The following BAIAP2L1 variants were observed in gnomAD, a reference collection of about 807,000 sequenced individuals.
BAIAP2L1 encodes BAR/IMD domain-containing adapter protein 2-like 1.
Under a neutral mutation model 66.3 loss-of-function variants are expected in BAIAP2L1, and 35 were observed. The ratio of observed to expected loss-of-function variants is 0.53; its 90% CI spans 0.40 to 0.70. The LOEUF (loss-of-function observed/expected upper bound fraction) is 0.70, where lower values mean the gene tolerates loss of function less well. Ranked by LOEUF, BAIAP2L1 falls within the 30% of genes least tolerant of loss-of-function variation. BAIAP2L1 has a pLI of 0.00. For synonymous variants in BAIAP2L1, 269 were observed against 248.7 expected, an observed-to-expected ratio of 1.08 and a Z score of -0.77; for missense variants, 622 against 656.9, an observed-to-expected ratio of 0.95 and a Z score of 0.58.
At position 98,306,433 on chromosome 7, in the gene BAIAP2L1, G is replaced by A. The variant is rs1800659358; in HGVS notation, c.1241+6C>T. 1.9e-6 allele frequency: 3 copies of A among 1,614,132 alleles called. No individual in the cohort carries two copies. Among genetic ancestry groups the A allele is most frequent in the Middle Eastern group, 1.6e-4 (1 of 6,062 alleles). On this transcript the variant is annotated splice_donor_region_variant and intron_variant, in intron 11 of 13. Coordinates refer to ENST00000005260, the MANE Select transcript of BAIAP2L1 (RefSeq NM_018842.5). ...ACCGGGAGAGCTCAGCCACGTTCAG[G>A]GCTACCTTGGCGTGGGCACGGTCAC... is the stretch of plus-strand genomic sequence containing the variant.
intron 10 of BAIAP2L1, 43 bp downstream of exon 10, chr7:98,307,646 G>C: frequency 6.2e-7 from 1 of 1,607,026 alleles, no homozygotes; most frequent in Non-Finnish European, 8.5e-7. Flanking sequence ...TGGAAGGGAG[G>C]GGCCGTCTGG....
chr7:98,312,203 T>C lies in BAIAP2L1; in HGVS notation c.701A>G (p.Lys234Arg), dbSNP rs750823235. 1.9e-6 allele frequency: 3 copies of C among 1,614,170 alleles called. No individual in the cohort carries two copies. The highest frequency in any genetic ancestry group is 2.5e-6 in the Non-Finnish European group (3 of 1,180,020). ...CATATTCATGATTTTCTCTGGCACT[T>C]TGATGGCATCAACACAGGTCTCCTG... is the stretch of plus-strand genomic sequence containing the variant. ...RWQETCVDAI[K>R]VPEKIMNMIE... is the part of the protein sequence containing the mutation. The change falls in exon 8 of 14, where the codon AAA becomes AGA. Residue 234 changes from lysine (K) to arginine (R), a missense_variant. By Grantham distance (26) the Lys-to-Arg change is conservative. Coordinates refer to ENST00000005260, the MANE Select transcript of BAIAP2L1 (RefSeq NM_018842.5).
chr7:98,371,927 T>C (rs1802518951), intron 1 of BAIAP2L1, among the ~76,000 whole-genome samples: 1 of 151,890 alleles, frequency 6.6e-6, no homozygotes, highest in South Asian at 2.1e-4. Flanking sequence ...CCCGAGTAGC[T>C]GAGACTACAG....
At chr7:98,373,591 T>C (rs960812238) in intron 1 of BAIAP2L1, among the ~76,000 whole-genome samples, 5 of 152,128 alleles carry the variant, frequency 3.3e-5, no homozygotes, top group Admixed American at 6.6e-5. Flanking sequence ...TCTTCCTGTC[T>C]ACAATGGGAA....
At chr7:98,390,789 T>C (rs1803019780) in intron 1 of BAIAP2L1, among the ~76,000 whole-genome samples, 2 of 152,112 alleles carry the variant, frequency 1.3e-5, no homozygotes, top group South Asian at 2.1e-4. Flanking sequence ...TAGTGCTTAA[T>C]TGATATTGTT....
chr7:98,390,700 A>G (rs1297364076), intron 1 of BAIAP2L1, among the ~76,000 whole-genome samples: 1 of 151,666 alleles, frequency 6.6e-6, no homozygotes, highest in South Asian at 2.1e-4. Flanking sequence ...CCACTGCACT[A>G]CAGCCTGGGT....
chr7:98,315,822 T>TTATCAA (rs1801059686), intron 6 of BAIAP2L1, among the ~76,000 whole-genome samples: 1 of 152,216 alleles, frequency 6.6e-6, no homozygotes, highest in African/African-American at 2.4e-5. Flanking sequence ...AGAGAGAAGT[T>TTATCAA]GCCCAAGGGC....
chr7:98,320,255 G>A lies in BAIAP2L1; in HGVS notation c.258C>T (p.Asn86=), dbSNP rs530590476. The A allele has an allele frequency of 7.5e-6, 12 of 1,609,618 alleles. No homozygotes were observed. The highest frequency in any genetic ancestry group is 6.7e-5 in the African/African-American group (5 of 74,896). Residue 86 remains asparagine (N), a synonymous_variant, in exon 4 of 14, where the codon AAC becomes AAT. Coordinates refer to ENST00000005260, the MANE Select transcript of BAIAP2L1 (RefSeq NM_018842.5). Reference sequence around the variant, plus strand: ...CACGTACATTTTCATCAAGACTCTCGTTGAGTTTCTTGTGGGTACTTGAAA... The same window carrying A: ...CACGTACATTTTCATCAAGACTCTCATTGAGTTTCTTGTGGGTACTTGAAA... ...IEISSTHKKL[N]ESLDENFKKF...
chr7:98,393,134 C>CATATAT (rs1562796014), intron 1 of BAIAP2L1, among the ~76,000 whole-genome samples: 1 of 71,462 alleles, frequency 1.4e-5, no homozygotes, highest in Non-Finnish European at 3.1e-5. Flanking sequence ...TATATATACA[C>CATATAT]ACATATGTGT....
intron 1 of BAIAP2L1, among the ~76,000 whole-genome samples, chr7:98,372,409 A>G (rs1393300990): frequency 6.6e-6 from 1 of 151,462 alleles, no homozygotes; most frequent in Non-Finnish European, 1.5e-5. Flanking sequence ...CAGTCTCAAA[A>G]AAACAAAACA....
At chr7:98,306,334 G>A in intron 11 of BAIAP2L1, 105 bp downstream of exon 11, 1 of 1,364,608 alleles carries the variant, frequency 7.3e-7, no homozygotes, top group South Asian at 1.2e-5. Context: ...CACGAGAGCT[G>A]AGGCTTAGGG....
At position 98,376,655 on chromosome 7, in the gene BAIAP2L1, T is replaced by C. The variant is rs555109874; in HGVS notation, c.52-14223A>G. On this transcript the variant is annotated intron_variant, in intron 1 of 13. Coordinates refer to ENST00000005260, the MANE Select transcript of BAIAP2L1 (RefSeq NM_018842.5). ...GACCAACATGGAGAAACCCCATCTTTACAAAAAAAAAAAAAAAAAACACAC... is the reference window on the plus strand; with the variant it reads ...GACCAACATGGAGAAACCCCATCTTCACAAAAAAAAAAAAAAAAAACACAC... Among the ~76,000 whole-genome samples, 123 of 47,814 alleles carry C rather than the reference T, an allele frequency of 2.6e-3. 2 individuals are homozygous for C. The highest frequency in any genetic ancestry group is 7.1e-3 in the African/African-American group (119 of 16,824). 31.4% of individuals were successfully genotyped at this position (47,814 alleles called of 152,430 possible).
chr7:98,313,008 T>C (rs1165281622), intron 7 of BAIAP2L1, among the ~76,000 whole-genome samples: 1 of 152,096 alleles, frequency 6.6e-6, no homozygotes, highest in African/African-American at 2.4e-5. Flanking sequence ...TGCGGCTGTG[T>C]GCATGGCAGT....
At chr7:98,352,366 G>A (rs1802018381) in intron 3 of BAIAP2L1, among the ~76,000 whole-genome samples, 1 of 152,196 alleles carries the variant, frequency 6.6e-6, no homozygotes, top group Non-Finnish European at 1.5e-5. Flanking sequence ...AAGTGGCTGG[G>A]CACGGTGGCA....
intron 3 of BAIAP2L1, among the ~76,000 whole-genome samples, chr7:98,327,312 G>T (rs894763497): frequency 6.6e-6 from 1 of 151,692 alleles, no homozygotes; most frequent in Non-Finnish European, 1.5e-5. Flanking sequence ...AGTAAGCTGA[G>T]ATCATGCCAC....
chr7:98,390,192 GGCATGA>G (rs1803000465), intron 1 of BAIAP2L1, among the ~76,000 whole-genome samples: 1 of 151,506 alleles, frequency 6.6e-6, no homozygotes, highest in Admixed American at 6.6e-5. Flanking sequence ...TGGGATTACA[GGCATGA>G]GCCACTGCGC....
rs566046751 is a variant in BAIAP2L1, at chr7:98,300,334, C to T, written c.1422+3862G>A. Among the ~76,000 whole-genome samples, 10 of 152,290 alleles carry T rather than the reference C, an allele frequency of 6.6e-5. No homozygotes were observed. In the East Asian group the frequency reaches 1.5e-3, roughly 23 times the overall value. ...AGGCTGTTTCCCACAGCTGCGCTCCCGGAACTCCTGACTGGGATTGGTCTG... is the reference window on the plus strand; with the variant it reads ...AGGCTGTTTCCCACAGCTGCGCTCCTGGAACTCCTGACTGGGATTGGTCTG... On this transcript the variant is annotated intron_variant, in intron 12 of 13. Coordinates refer to ENST00000005260, the MANE Select transcript of BAIAP2L1 (RefSeq NM_018842.5).
intron 1 of BAIAP2L1, among the ~76,000 whole-genome samples, chr7:98,372,374 G>A (rs1802529765): frequency 3.3e-5 from 5 of 152,000 alleles, no homozygotes; most frequent in Admixed American, 3.3e-4. Flanking sequence ...TCACTGCTCT[G>A]CAGCCTGGGT....
At chr7:98,301,903 G>A (rs1800446412) in intron 12 of BAIAP2L1, among the ~76,000 whole-genome samples, 1 of 152,120 alleles carries the variant, frequency 6.6e-6, no homozygotes, top group South Asian at 2.1e-4. Context: ...GAGGCTGCAG[G>A]GCACCAGGTC....
Sources: allele counts gnomAD v4.1 joint callset (sites outside exome capture counted in the v4.1 genomes callset), GRCh38; gene constraint gnomAD v4.1.1; transcripts MANE v1.5; gene names NCBI Gene and HGNC (gene_info 2026-07-23, HGNC 2026-07-21).